ADAM28: variants seen among roughly 807,000 people sequenced by gnomAD.
The protein encoded by ADAM28 is ADAM metallopeptidase domain 28.
ADAM28 carries 105 observed loss-of-function variants against 101.2 expected under a neutral mutation model. The observed-to-expected ratio is 1.04, with a 90% CI of 0.89 to 1.22. The LOEUF is 1.22. Ranked by LOEUF, ADAM28 falls within the 50% of genes most tolerant of loss-of-function variation. ADAM28 has a pLI of 0.00. For synonymous variants in ADAM28, 322 were observed against 310.6 expected (o/e 1.04, Z -0.39); for missense variants, 1,028 against 945.4 (o/e 1.09, Z -1.15).
chr8:24,338,351 C>A (rs1814350361), intron 14 of ADAM28, among the ~76,000 whole-genome samples: 1 of 152,106 alleles, frequency 6.6e-6, no homozygotes, highest in African/African-American at 2.4e-5. Flanking sequence ...CAGCATGATG[C>A]CAGATATATG....
intron 16 of ADAM28, 175 bp from the exon 17 acceptor site, chr8:24,342,926 G>T: frequency 4.3e-6 from 5 of 1,175,486 alleles, no homozygotes; most frequent in Admixed American, 3.0e-5. Flanking sequence ...TTTTTGGGTT[G>T]GTTTAACTAA....
At chr8:24,323,473 G>A (rs1394283887) in intron 8 of ADAM28, among the ~76,000 whole-genome samples, 2 of 151,910 alleles carry the variant, frequency 1.3e-5, no homozygotes, top group Non-Finnish European at 2.9e-5. Flanking sequence ...CACTCTGAGA[G>A]CACTGAAAAA....
Position 24,349,917 on chromosome 8 carries a change from G to T in ADAM28, c.2044G>T (p.Val682Phe), listed in dbSNP as rs775938263. 1 of 1,613,722 alleles carries T rather than the reference G, an allele frequency of 6.2e-7. No individual in the cohort carries two copies. The highest frequency in any genetic ancestry group is 2.2e-5 in the East Asian group (1 of 44,814). ...CCCAATGGCGGTCATTTTTGTGGTGGTTGCTATGGTAATCCGGCACCAGAG... is the reference window on the plus strand; with the variant it reads ...CCCAATGGCGGTCATTTTTGTGGTGTTTGCTATGGTAATCCGGCACCAGAG... ...LFPMAVIFVV[V>F]AMVIRHQSSR... The change falls in exon 19 of 23, where the codon GTT becomes TTT. Residue 682 changes from valine (V) to phenylalanine (F), a missense_variant. Physicochemically the swap from Val to Phe is conservative, Grantham distance 50 (BLOSUM62 -1). Coordinates refer to ENST00000265769, the MANE Select transcript of ADAM28 (RefSeq NM_014265.6).
At chr8:24,318,264 G>A (rs923322032) in intron 6 of ADAM28, among the ~76,000 whole-genome samples, 4 of 151,884 alleles carry the variant, frequency 2.6e-5, no homozygotes, top group African/African-American at 9.7e-5. Flanking sequence ...TGGTAACTAC[G>A]TGGAAAGAGC....
At chr8:24,315,103 T>A (rs1351927903) in intron 6 of ADAM28, among the ~76,000 whole-genome samples, 1 of 151,656 alleles carries the variant, frequency 6.6e-6, no homozygotes, top group Non-Finnish European at 1.5e-5. Context: ...GGAATGTAAA[T>A]GGATTAAATT....
rs1483996545 is a variant in ADAM28, at chr8:24,313,420, T to G, written c.416T>G (p.Phe139Cys). 1.9e-6 allele frequency: 3 copies of G among 1,612,816 alleles called. No individual in the cohort carries two copies. In the African/African-American group the frequency reaches 4.0e-5, roughly 22 times the overall value. ...GYFSQGDQRYFIEPLSPIHRD... is the reference protein window; with the variant it reads ...GYFSQGDQRYCIEPLSPIHRD... ...TTCAGTCAGGGGGATCAAAGATACT[T>G]TATTGAACCTTTAAGCCCCATACAT... Residue 139 changes from phenylalanine to cysteine, a missense_variant, in exon 6 of 23, where the codon TTT (phenylalanine) becomes TGT (cysteine). Physicochemically the swap from Phe to Cys is radical, Grantham distance 205. Coordinates refer to ENST00000265769, the MANE Select transcript of ADAM28 (RefSeq NM_014265.6).
chr8:24,333,813 T>C (rs979034427), intron 13 of ADAM28, among the ~76,000 whole-genome samples: 3 of 152,216 alleles, frequency 2.0e-5, no homozygotes, highest in Admixed American at 6.5e-5. Context: ...GTCCTTCAAG[T>C]TTAGTATTTA....
At chr8:24,341,570 C>T (rs1250058120) in intron 15 of ADAM28, 28 bp from the exon 16 acceptor site, 3 of 1,604,748 alleles carry the variant, frequency 1.9e-6, no homozygotes, top group South Asian at 2.2e-5. Flanking sequence ...AATTTGAATC[C>T]TGCAATACAT....
At chr8:24,299,486 T>C (rs1241764302) in intron 1 of ADAM28, among the ~76,000 whole-genome samples, 1 of 152,204 alleles carries the variant, frequency 6.6e-6, no homozygotes, top group Non-Finnish European at 1.5e-5. Flanking sequence ...GTATAGAATA[T>C]TGCTGTTTTC....
chr8:24,336,694 G>A (rs1442703689), intron 14 of ADAM28, among the ~76,000 whole-genome samples: 3 of 150,916 alleles, frequency 2.0e-5, no homozygotes, highest in African/African-American at 7.3e-5. Context: ...TGAACGCATA[G>A]AAGCAGAAAG....
At position 24,313,434 on chromosome 8, in the gene ADAM28, A is replaced by AGC. The variant is rs1810737471; in HGVS notation, c.431_432dup (p.Pro145AlafsTer48). ...TCAAAGATACTTTATTGAACCTTTA[A>AGC]GCCCCATACATCGGGATGGACAGGA... is the stretch of plus-strand genomic sequence containing the variant. On this transcript the variant is annotated frameshift_variant, in exon 6 of 23. Transcript: ENST00000265769. LOFTEE classifies it high-confidence loss of function. 1 of 1,613,672 alleles carries AGC rather than the reference A, an allele frequency of 6.2e-7. No homozygotes were observed. The highest frequency in any genetic ancestry group is 2.2e-5 in the East Asian group (1 of 44,864).
chr8:24,297,910 G>T (rs114300645), intron 1 of ADAM28, among the ~76,000 whole-genome samples: 2,052 of 152,132 alleles, frequency 0.013, 48 homozygotes, highest in African/African-American at 0.046. Context: ...TTTACCAAAA[G>T]TTAATTTAAT....
At chr8:24,341,557 T>C (rs781556328) in intron 15 of ADAM28, 41 bp from the exon 16 acceptor site, 11 of 1,594,162 alleles carry the variant, frequency 6.9e-6, no homozygotes, top group Non-Finnish European at 9.4e-6. Context: ...TATGTAAAAC[T>C]GCAATTTGAA....
At chr8:24,334,809 C>T (rs1365613384) in intron 13 of ADAM28, among the ~76,000 whole-genome samples, 1 of 152,204 alleles carries the variant, frequency 6.6e-6, no homozygotes, top group Non-Finnish European at 1.5e-5. Context: ...ATTTGTTTCA[C>T]TAAAGTTTCT....
intron 1 of ADAM28, chr8:24,296,326 G>A (rs1254027894): frequency 6.6e-6 from 1 of 152,056 alleles, no homozygotes. Context: ...TTTCCCTTTT[G>A]TTTGTACTCA....
intron 14 of ADAM28, among the ~76,000 whole-genome samples, chr8:24,337,582 T>G (rs1335287168): frequency 6.6e-6 from 1 of 152,192 alleles, no homozygotes. Flanking sequence ...GAATTAACAT[T>G]GAACATATTT....
chr8:24,351,469 C>CTAAAAT (rs953036817), intron 20 of ADAM28, 159 bp downstream of exon 20: 2 of 771,958 alleles, frequency 2.6e-6, no homozygotes, highest in African/African-American at 3.5e-5. Flanking sequence ...AAAAGAGTCC[C>CTAAAAT]TAAAATGCCG....
chr8:24,338,996 A>C (rs1224254634), intron 14 of ADAM28, among the ~76,000 whole-genome samples: 1 of 151,970 alleles, frequency 6.6e-6, no homozygotes, highest in Admixed American at 6.6e-5. Flanking sequence ...TATATGTGTA[A>C]ATATTAAATA....
chr8:24,331,775 G>A (rs967181986), intron 12 of ADAM28, among the ~76,000 whole-genome samples: 6 of 152,066 alleles, frequency 3.9e-5, no homozygotes, highest in African/African-American at 1.4e-4. Flanking sequence ...TGAAACGCAA[G>A]ACCACCCAGC....
Sources: gnomAD v4.1 joint callset for allele counts (sites outside exome capture counted in the v4.1 genomes callset) on GRCh38, gnomAD v4.1.1 for gene constraint, MANE v1.5 for transcripts, NCBI Gene and HGNC (gene_info 2026-07-23, HGNC 2026-07-21) for gene names.